The following SDK1 variants were observed in gnomAD, a reference collection of about 807,000 sequenced individuals.
SDK1 encodes the protein protein sidekick-1.
In SDK1, 157 loss-of-function variants were observed where a neutral mutation model predicts 245.5. The ratio of observed to expected loss-of-function variants is 0.64; its 90% CI spans 0.56 to 0.73. SDK1 has a LOEUF of 0.73. Ranked by LOEUF, SDK1 falls within the 30% of genes least tolerant of loss-of-function variation. The pLI is 0.00. For synonymous variants in SDK1, 1,647 were observed against 1,278.5 expected (o/e 1.29, Z -6.15); for missense variants, 3,583 against 3,002.3 (o/e 1.19, Z -4.52).
At chr7:3,390,137 A>T (rs1367897294) in intron 1 of SDK1, among the ~76,000 whole-genome samples, 2 of 152,154 alleles carry the variant, frequency 1.3e-5, no homozygotes, top group Non-Finnish European at 2.9e-5. Flanking sequence ...TACTGCTTGG[A>T]TTCTTCTTGC....
At chr7:3,451,783 T>G (rs1359845824) in intron 1 of SDK1, among the ~76,000 whole-genome samples, 1 of 152,132 alleles carries the variant, frequency 6.6e-6, no homozygotes, top group Non-Finnish European at 1.5e-5. Context: ...CGTCCACATT[T>G]TTTCTCTCAG....
At chr7:3,665,914 G>T (rs1357074747) in intron 4 of SDK1, among the ~76,000 whole-genome samples, 4 of 151,932 alleles carry the variant, frequency 2.6e-5, no homozygotes, top group Admixed American at 2.6e-4. Context: ...TTTATGAAGG[G>T]CAGGGAAACT....
intron 5 of SDK1, among the ~76,000 whole-genome samples, chr7:3,859,118 T>C (rs1780621786): frequency 6.6e-6 from 1 of 152,092 alleles, no homozygotes; most frequent in African/African-American, 2.4e-5. Context: ...CGCCTCGGCC[T>C]CCCAAAGTGC....
chr7:4,233,557 T>C (rs1785943928), intron 41 of SDK1, 138 bp downstream of exon 41: 2 of 803,988 alleles, frequency 2.5e-6, no homozygotes, highest in East Asian at 5.4e-5. Flanking sequence ...GGGAGGTCTG[T>C]CTTCTCCTGA....
intron 4 of SDK1, among the ~76,000 whole-genome samples, chr7:3,754,063 A>T (rs1266752734): frequency 1.3e-5 from 2 of 152,144 alleles, no homozygotes; most frequent in Non-Finnish European, 2.9e-5. Context: ...GGCCATATGG[A>T]AATTGGTTGT....
intron 1 of SDK1, among the ~76,000 whole-genome samples, chr7:3,427,727 T>A (rs1000451186): frequency 6.6e-6 from 1 of 152,150 alleles, no homozygotes; most frequent in Non-Finnish European, 1.5e-5. Flanking sequence ...GTTTCATTAA[T>A]GTGAAGTTTT....
chr7:3,899,737 A>ATC (rs1302432490), intron 5 of SDK1, among the ~76,000 whole-genome samples: 7 of 152,232 alleles, frequency 4.6e-5, no homozygotes, highest in Admixed American at 2.6e-4. Flanking sequence ...GCCATGCTGC[A>ATC]TCTCTCTCCC....
At chr7:3,811,763 A>T (rs1779390231) in intron 4 of SDK1, among the ~76,000 whole-genome samples, 1 of 152,224 alleles carries the variant, frequency 6.6e-6, no homozygotes, top group Non-Finnish European at 1.5e-5. Context: ...GTAGATGGTC[A>T]GCAGGGATGG....
chr7:3,477,036 G>A (rs1258838904), intron 1 of SDK1, among the ~76,000 whole-genome samples: 2 of 152,124 alleles, frequency 1.3e-5, no homozygotes, highest in African/African-American at 4.8e-5. Flanking sequence ...CAGAGAAATG[G>A]AACAAGACTG....
intron 4 of SDK1, among the ~76,000 whole-genome samples, chr7:3,718,749 G>A (rs1003639747): frequency 3.3e-5 from 5 of 149,812 alleles, no homozygotes; most frequent in Non-Finnish European, 5.9e-5. Flanking sequence ...AAGAATGACC[G>A]CTCTCCCACT....
chr7:3,374,509 G>A (rs1005601647), intron 1 of SDK1, among the ~76,000 whole-genome samples: 2 of 152,130 alleles, frequency 1.3e-5, no homozygotes, highest in African/African-American at 2.4e-5. Context: ...CCCTTCAGTG[G>A]CTGCCACCAG....
chr7:4,184,415 C>T (rs976977683), intron 35 of SDK1, among the ~76,000 whole-genome samples: 6 of 152,032 alleles, frequency 3.9e-5, no homozygotes, highest in Admixed American at 2.6e-4. Context: ...GACTCAGGTA[C>T]TGGCTTCATT....
In SDK1 at chr7:3,901,249, C is replaced by T. The variant is rs942907413; in HGVS notation, c.848-49674C>T. ...GTCACCAAGCTGGAGTGTGGTGGCA[C>T]GATCTCAGCTCACTGCAACCTCCGC... On this transcript the variant is annotated intron_variant, in intron 5 of 44. Coordinates refer to ENST00000404826, the MANE Select transcript of SDK1 (RefSeq NM_152744.4). Among the ~76,000 whole-genome samples, 3 of 151,868 alleles carry T rather than the reference C, an allele frequency of 2.0e-5. No homozygotes were observed. The East Asian group carries it at 5.8e-4, about 29-fold the overall frequency.
intron 1 of SDK1, among the ~76,000 whole-genome samples, chr7:3,410,296 A>T (rs570003326): frequency 4.9e-4 from 74 of 152,102 alleles, no homozygotes; most frequent in Non-Finnish European, 9.6e-4. Context: ...ATTATTAAAA[A>T]TATATAAAGT....
rs112491472 is a variant in SDK1 at position 3,850,922 on chromosome 7, A to C, written c.847+29339A>C. Among the ~76,000 whole-genome samples the C allele has an allele frequency of 7.8e-3, 1,188 of 152,340 alleles. 19 individuals are homozygous for C. Among genetic ancestry groups the C allele is most frequent in the African/African-American group, 0.027 (1,136 of 41,578 alleles). On this transcript the variant is annotated intron_variant, in intron 5 of 44. Transcript: ENST00000404826. ...TACCTAATGTAAATGACGACTTAATAGGTGCAGAACACCAACATGGCACAT... is the reference window on the plus strand; with the variant it reads ...TACCTAATGTAAATGACGACTTAATCGGTGCAGAACACCAACATGGCACAT...
intron 1 of SDK1, among the ~76,000 whole-genome samples, chr7:3,497,095 A>C (rs1321210014): frequency 6.6e-6 from 1 of 152,222 alleles, no homozygotes; most frequent in African/African-American, 2.4e-5. Flanking sequence ...AATGTTTATT[A>C]ACAGACAAGA....
chr7:3,852,733 A>G lies in SDK1; in HGVS notation c.847+31150A>G, dbSNP rs576923557. 5.7e-5 allele frequency among the ~76,000 whole-genome samples: 8 copies of G among 140,754 alleles called. No individual in the cohort carries two copies. In the South Asian group the frequency reaches 1.9e-3, roughly 34 times the overall value. 92.3% of individuals were successfully genotyped at this position (140,754 alleles called of 152,430 possible). A position where few individuals can be genotyped will look rare whatever the true frequency, so the allele number is the denominator to read the frequency against. ...GCCACTGCACTCCAGCCTGGGAGAC[A>G]GAGCAAGACTCCGTCTCAAAAAAAA... is the stretch of plus-strand genomic sequence containing the variant. On this transcript the variant is annotated intron_variant, in intron 5 of 44. Coordinates refer to ENST00000404826, the MANE Select transcript of SDK1 (RefSeq NM_152744.4).
chr7:3,311,712 G>A (rs1779554335), intron 1 of SDK1, among the ~76,000 whole-genome samples: 1 of 152,182 alleles, frequency 6.6e-6, no homozygotes, highest in East Asian at 1.9e-4. Context: ...GCTGAATGTG[G>A]AGGACTCCCT....
At position 3,404,889 on chromosome 7, in the gene SDK1, G is replaced by A. The variant is rs79867070; in HGVS notation, c.298+103005G>A. ...AATTTTGTGCTCTGTAATGTATATC[G>A]TAAGATTGAGGTCTTAATGTTTGTA... On this transcript the variant is annotated intron_variant, in intron 1 of 44. Transcript: ENST00000404826. Among the ~76,000 whole-genome samples, 960 of 152,234 alleles carry A rather than the reference G, an allele frequency of 6.3e-3. 11 individuals carry two copies. The highest frequency in any genetic ancestry group is 0.022 in the African/African-American group (910 of 41,540).
Sources: allele counts gnomAD v4.1 joint callset (sites outside exome capture counted in the v4.1 genomes callset), GRCh38; gene constraint gnomAD v4.1.1; transcripts MANE v1.5; gene names NCBI Gene and HGNC (gene_info 2026-07-23, HGNC 2026-07-21).